Variants in DCC observed in about 807,000 individuals in gnomAD.
DCC encodes the protein DCC netrin 1 receptor, also known as netrin receptor DCC.
A neutral mutation model predicts 172.5 loss-of-function variants in DCC; 58 were observed. The observed-to-expected ratio is 0.34, with a 90% CI of 0.27 to 0.42. The LOEUF is 0.42. DCC is among the 10% of genes least tolerant of loss of function. The pLI is 1.00. For synonymous variants in DCC, 709 were observed against 644.5 expected (o/e 1.10, Z -1.52); for missense variants, 1,740 against 1,791.0 (o/e 0.97, Z 0.51).
At chr18:52,882,585 G>C (rs114633916) in intron 2 of DCC, among the ~76,000 whole-genome samples, 2,302 of 151,952 alleles carry the variant, frequency 0.015, 43 homozygotes, top group African/African-American at 0.039. Context: ...AATGCCTCTG[G>C]TTATTGATTT....
chr18:53,272,835 T>G (rs2056763915), intron 12 of DCC, among the ~76,000 whole-genome samples: 1 of 152,190 alleles, frequency 6.6e-6, no homozygotes, highest in Non-Finnish European at 1.5e-5. Context: ...TTTGATTGTT[T>G]CGGAAAAAGC....
intron 5 of DCC, among the ~76,000 whole-genome samples, chr18:53,029,665 T>C (rs2042001712): frequency 6.6e-6 from 1 of 152,086 alleles, no homozygotes; most frequent in Admixed American, 6.6e-5. Flanking sequence ...GCATCATATA[T>C]CATATTGTTT....
At chr18:53,409,031 A>T (rs1203857421) in intron 19 of DCC, among the ~76,000 whole-genome samples, 1 of 152,162 alleles carries the variant, frequency 6.6e-6, no homozygotes, top group African/African-American at 2.4e-5. Flanking sequence ...GTGTATTACC[A>T]TGTTTATGGA....
chr18:52,536,289 G>A (rs1204087604), intron 1 of DCC, among the ~76,000 whole-genome samples: 1 of 152,058 alleles, frequency 6.6e-6, no homozygotes, highest in African/African-American at 2.4e-5. Flanking sequence ...AGAACCACTT[G>A]GTCCTGACCA....
intron 9 of DCC, among the ~76,000 whole-genome samples, chr18:53,199,882 A>T (rs1229835159): frequency 1.3e-5 from 2 of 152,170 alleles, no homozygotes; most frequent in African/African-American, 2.4e-5. Context: ...TTATTTTAAC[A>T]TATGAGAATA....
At chr18:53,520,992 A>C (rs992817518) in intron 27 of DCC, among the ~76,000 whole-genome samples, 1 of 152,076 alleles carries the variant, frequency 6.6e-6, no homozygotes, top group Admixed American at 6.6e-5. Flanking sequence ...AATTTTATTG[A>C]AATTAATTCT....
At chr18:53,060,783 T>A (rs1294211023) in intron 5 of DCC, among the ~76,000 whole-genome samples, 1 of 152,118 alleles carries the variant, frequency 6.6e-6, no homozygotes, top group East Asian at 1.9e-4. Context: ...CAACCCCAAG[T>A]TGGAAAAACA....
At chr18:53,392,683 A>G (rs1400429633) in intron 17 of DCC, among the ~76,000 whole-genome samples, 3 of 152,236 alleles carry the variant, frequency 2.0e-5, no homozygotes, top group Non-Finnish European at 4.4e-5. Flanking sequence ...AAGATCAACA[A>G]GTAGTTGTCA....
At chr18:52,602,687 G>A (rs557157845) in intron 1 of DCC, among the ~76,000 whole-genome samples, 1 of 140,262 alleles carries the variant, frequency 7.1e-6, no homozygotes, top group African/African-American at 2.5e-5. Flanking sequence ...CAAAAGAGAC[G>A]ACTTTTTTTT....
chr18:52,891,394 T>G (rs1220762013), intron 2 of DCC, among the ~76,000 whole-genome samples: 1 of 152,110 alleles, frequency 6.6e-6, no homozygotes, highest in African/African-American at 2.4e-5. Context: ...ATAAATTATG[T>G]CATGAATGAA....
intron 12 of DCC, among the ~76,000 whole-genome samples, chr18:53,275,979 C>T (rs1568406727): frequency 6.6e-6 from 1 of 151,972 alleles, no homozygotes; most frequent in Admixed American, 6.6e-5. Context: ...ATATGACTCT[C>T]ATAAATATAA....
intron 1 of DCC, among the ~76,000 whole-genome samples, chr18:52,404,130 A>G (rs754792300): frequency 1.3e-5 from 2 of 152,056 alleles, no homozygotes; most frequent in Non-Finnish European, 2.9e-5. Context: ...ACAATGATAC[A>G]TGGACTTATC....
chr18:53,447,097 A>G lies in DCC; in HGVS notation c.3230-3403A>G, dbSNP rs543049510. Among the ~76,000 whole-genome samples, 7 of 152,346 alleles carry G rather than the reference A, an allele frequency of 4.6e-5. No individual in the cohort carries two copies. The East Asian group carries it at 1.4e-3, about 29-fold the overall frequency. On this transcript the variant is annotated intron_variant, in intron 22 of 28. Transcript: ENST00000442544. The stretch of plus-strand genomic sequence containing the variant: ...CACACAAAAAACAAAGTGTATATTA[A>G]TTGGTTGATAAAACAGTGTGATCAG...
At chr18:52,615,112 GA>G (rs2034355644) in intron 1 of DCC, among the ~76,000 whole-genome samples, 1 of 152,088 alleles carries the variant, frequency 6.6e-6, no homozygotes, top group Non-Finnish European at 1.5e-5. Context: ...TACTACATTG[GA>G]AAATATTAAT....
At chr18:52,439,174 T>TTATGTGTGTGTGTG (rs74178668) in intron 1 of DCC, among the ~76,000 whole-genome samples, 19 of 144,848 alleles carry the variant, frequency 1.3e-4, no homozygotes, top group South Asian at 4.5e-4. Context: ...AAGATATGTT[T>TTATGTGTGTGTGTG]TGTGTGTGTG....
chr18:53,041,945 C>G (rs8084947), intron 5 of DCC, among the ~76,000 whole-genome samples: 46,775 of 151,876 alleles, frequency 0.31, 8,304 homozygotes, highest in African/African-American at 0.49. Flanking sequence ...ATCATGTCAT[C>G]TGCAAACAGA....
intron 2 of DCC, among the ~76,000 whole-genome samples, chr18:52,785,034 T>G (rs1006181984): frequency 1.3e-5 from 2 of 151,924 alleles, no homozygotes; most frequent in African/African-American, 4.8e-5. Flanking sequence ...AGGTGGTGTC[T>G]GATTTACATA....
At chr18:53,023,910 A>G (rs2041920125) in intron 5 of DCC, among the ~76,000 whole-genome samples, 1 of 152,048 alleles carries the variant, frequency 6.6e-6, no homozygotes, top group Non-Finnish European at 1.5e-5. Context: ...TCGTCTAGTT[A>G]GTGGAATTAT....
chr18:52,840,505 T>A (rs79193074), intron 2 of DCC, among the ~76,000 whole-genome samples: 13,884 of 152,228 alleles, frequency 0.091, 716 homozygotes, highest in South Asian at 0.2. Flanking sequence ...TTGATCAAAC[T>A]AATCAGCTTG....
Sources: allele counts gnomAD v4.1 joint callset (sites outside exome capture counted in the v4.1 genomes callset), GRCh38; gene constraint gnomAD v4.1.1; transcripts MANE v1.5; gene names NCBI Gene and HGNC (gene_info 2026-07-23, HGNC 2026-07-21).